NKAIN2: variants seen among roughly 807,000 people sequenced by gnomAD.
NKAIN2 encodes sodium/potassium-transporting ATPase subunit beta-1-interacting protein 2.
In NKAIN2, 14 loss-of-function variants were observed where a neutral mutation model predicts 32.6. The ratio of observed to expected loss-of-function variants is 0.43; its 90% confidence interval spans 0.28 to 0.67. The LOEUF (loss-of-function observed/expected upper bound fraction) is 0.67, where lower values mean the gene tolerates loss of function less well. NKAIN2 is among the 30% of genes least tolerant of loss of function. The pLI is 0.17. For synonymous variants in NKAIN2, 80 were observed against 87.2 expected, an observed-to-expected ratio of 0.92 and a Z score of 0.46; for missense variants, 198 against 258.3, an observed-to-expected ratio of 0.77 and a Z score of 1.60.
intron 3 of NKAIN2, among the ~76,000 whole-genome samples, chr6:124,637,976 T>C (rs114802929): frequency 0.013 from 1,933 of 152,188 alleles, 38 homozygotes; most frequent in African/African-American, 0.045. Context: ...ACAAACAAAC[T>C]GAAGGCATCA....
intron 3 of NKAIN2, among the ~76,000 whole-genome samples, chr6:124,529,895 C>T (rs1440161641): frequency 1.3e-5 from 2 of 152,134 alleles, no homozygotes; most frequent in South Asian, 2.1e-4. Flanking sequence ...AAAATGCATA[C>T]GTTGAAACTG....
At chr6:124,737,428 C>A (rs1328271788) in intron 4 of NKAIN2, among the ~76,000 whole-genome samples, 1 of 151,816 alleles carries the variant, frequency 6.6e-6, no homozygotes, top group Non-Finnish European at 1.5e-5. Context: ...GAGGCCTCCC[C>A]AGCCAGGTGG....
chr6:124,807,258 A>G (rs1418825935), intron 5 of NKAIN2, among the ~76,000 whole-genome samples: 1 of 152,254 alleles, frequency 6.6e-6, no homozygotes, highest in Non-Finnish European at 1.5e-5. Flanking sequence ...TCCTCAGCAC[A>G]TGTAAAAGAA....
At chr6:124,484,816 T>A (rs979065104) in intron 3 of NKAIN2, among the ~76,000 whole-genome samples, 4 of 152,196 alleles carry the variant, frequency 2.6e-5, no homozygotes, top group South Asian at 4.1e-4. Flanking sequence ...CATGCATAAA[T>A]ATATACATGC....
chr6:123,830,256 T>G (rs1774322120), intron 1 of NKAIN2, among the ~76,000 whole-genome samples: 1 of 152,174 alleles, frequency 6.6e-6, no homozygotes, highest in African/African-American at 2.4e-5. Context: ...TTGTCTTCTT[T>G]ACACAGCAGC....
At chr6:124,058,235 T>C (rs936426930) in intron 1 of NKAIN2, among the ~76,000 whole-genome samples, 2 of 146,748 alleles carry the variant, frequency 1.4e-5, no homozygotes, top group Non-Finnish European at 3.0e-5. Flanking sequence ...TTTAGGCATA[T>C]AACTCAGTTA....
intron 4 of NKAIN2, among the ~76,000 whole-genome samples, chr6:124,732,818 T>G (rs1776751712): frequency 2.0e-5 from 3 of 152,156 alleles, no homozygotes; most frequent in Non-Finnish European, 4.4e-5. Context: ...ATCATTCTAC[T>G]AGATATTAAC....
In NKAIN2 at chr6:124,658,075, A is replaced by C. The variant is rs774882256; in HGVS notation, c.274-111A>C. The stretch of plus-strand genomic sequence containing the variant: ...AAATACAGCATGGGGTAGGAAAAAA[A>C]AAACAAACAAACCCACATTTCCAAA... On this transcript the variant is annotated intron_variant, in intron 3 of 6. Transcript: ENST00000368417. 106 of 837,986 alleles carry C rather than the reference A, an allele frequency of 1.3e-4. 1 individual carries two copies. Among genetic ancestry groups the C allele is most frequent in the Middle Eastern group, 3.7e-4 (1 of 2,686 alleles). The allele number at this position is 837,986 out of a possible 1,614,324, so 51.9% of individuals were successfully genotyped here.
chr6:124,503,090 A>C (rs932898971), intron 3 of NKAIN2, among the ~76,000 whole-genome samples: 1 of 152,166 alleles, frequency 6.6e-6, no homozygotes, highest in Admixed American at 6.5e-5. Flanking sequence ...AAAATAGTAC[A>C]TCTTTCTTGT....
intron 3 of NKAIN2, among the ~76,000 whole-genome samples, chr6:124,402,311 T>C (rs908171786): frequency 6.6e-6 from 1 of 152,200 alleles, no homozygotes; most frequent in Non-Finnish European, 1.5e-5. Context: ...ATGAGTGGCG[T>C]GAAGTAGGAT....
chr6:124,743,572 C>T (rs1414658816), intron 4 of NKAIN2, among the ~76,000 whole-genome samples: 1 of 151,752 alleles, frequency 6.6e-6, no homozygotes, highest in African/African-American at 2.4e-5. Context: ...ATGTGGAAAC[C>T]TTAACAGCAA....
chr6:124,678,452 T>C (rs1773463736), intron 4 of NKAIN2, among the ~76,000 whole-genome samples: 1 of 152,154 alleles, frequency 6.6e-6, no homozygotes, highest in South Asian at 2.1e-4. Flanking sequence ...TAACCACTCT[T>C]TGAGTTTGCT....
chr6:124,766,114 C>T (rs1352089582), intron 4 of NKAIN2, among the ~76,000 whole-genome samples: 1 of 152,110 alleles, frequency 6.6e-6, no homozygotes, highest in Non-Finnish European at 1.5e-5. Flanking sequence ...TTTTATAAAA[C>T]ACACAAAGTG....
At chr6:124,595,791 G>A (rs1024905947) in intron 3 of NKAIN2, among the ~76,000 whole-genome samples, 13 of 152,116 alleles carry the variant, frequency 8.5e-5, no homozygotes, top group African/African-American at 3.1e-4. Context: ...AGCGATTACA[G>A]CAGAGACAGC....
chr6:124,075,273 A>T (rs1281198630), intron 1 of NKAIN2, among the ~76,000 whole-genome samples: 1 of 152,158 alleles, frequency 6.6e-6, no homozygotes, highest in African/African-American at 2.4e-5. Context: ...TGCCATTGAA[A>T]AGTTGGGTAG....
At chr6:124,030,855 G>T (rs1267331827) in intron 1 of NKAIN2, among the ~76,000 whole-genome samples, 1 of 152,144 alleles carries the variant, frequency 6.6e-6, no homozygotes, top group African/African-American at 2.4e-5. Context: ...AGATGGAGAG[G>T]ATCTACTGTT....
chr6:124,308,996 TAAAAG>T (rs1427121364), intron 2 of NKAIN2, among the ~76,000 whole-genome samples: 3 of 152,076 alleles, frequency 2.0e-5, no homozygotes, highest in Non-Finnish European at 4.4e-5. Flanking sequence ...ACTTGGAAAA[TAAAAG>T]AGACTACAGA....
At chr6:124,660,300 G>GT (rs557270637) in intron 4 of NKAIN2, among the ~76,000 whole-genome samples, 109 of 152,230 alleles carry the variant, frequency 7.2e-4, no homozygotes, top group African/African-American at 2.5e-3. Flanking sequence ...TATTTATAGA[G>GT]TTTTTTGAAT....
chr6:124,749,632 A>G (rs1394699629), intron 4 of NKAIN2, among the ~76,000 whole-genome samples: 5 of 151,788 alleles, frequency 3.3e-5, no homozygotes, highest in African/African-American at 1.2e-4. Flanking sequence ...TACTTTGTTT[A>G]TTTTGTTCAT....
Sources: gnomAD v4.1 joint callset for allele counts (sites outside exome capture counted in the v4.1 genomes callset) on GRCh38, gnomAD v4.1.1 for gene constraint, MANE v1.5 for transcripts, NCBI Gene and HGNC (gene_info 2026-07-23, HGNC 2026-07-21) for gene names.